Variants in SLC24A2 observed in about 807,000 individuals in gnomAD.
The protein encoded by SLC24A2 is solute carrier family 24 member 2, also known as sodium/potassium/calcium exchanger 2.
A neutral mutation model predicts 62.0 loss-of-function variants in SLC24A2; 36 were observed. That is an observed-to-expected ratio of 0.58 (90% CI 0.44 to 0.77). The LOEUF is 0.77. SLC24A2 is among the 30% of genes least tolerant of loss of function. The pLI is 0.00. For missense variants in SLC24A2, 846 were observed against 817.9 expected, an observed-to-expected ratio of 1.03 and a Z score of -0.42; for synonymous variants, 358 against 294.0, an observed-to-expected ratio of 1.22 and a Z score of -2.23.
At chr9:19,904,170 T>C in the SLC24A2 span, among the ~76,000 whole-genome samples, 5 of 152,164 alleles carry the variant, frequency 3.3e-5, no homozygotes, top group East Asian at 5.8e-4. Flanking sequence ...TTGTTAGATA[T>C]GAAGAATCTT....
At chr9:19,621,556 C>T (rs1389548294) in intron 3 of SLC24A2, among the ~76,000 whole-genome samples, 5 of 152,034 alleles carry the variant, frequency 3.3e-5, no homozygotes, top group African/African-American at 9.7e-5. Context: ...CTTAGGAGAC[C>T]TGAATAAAAT....
the SLC24A2 span, among the ~76,000 whole-genome samples, chr9:19,842,634 G>A: frequency 1.3e-5 from 2 of 152,148 alleles, no homozygotes; most frequent in African/African-American, 4.8e-5. Flanking sequence ...AGTCTCCAAG[G>A]GGGGGATGTT....
the SLC24A2 span, among the ~76,000 whole-genome samples, chr9:19,836,446 A>T: frequency 6.6e-6 from 1 of 152,316 alleles, no homozygotes; most frequent in South Asian, 2.1e-4. Flanking sequence ...AATACTACAA[A>T]CACCTCTACG....
chr9:20,023,001 G>A, the SLC24A2 span, among the ~76,000 whole-genome samples: 8 of 152,134 alleles, frequency 5.3e-5, no homozygotes, highest in African/African-American at 1.9e-4. Context: ...ATATGGAAAA[G>A]GAATTAAATT....
chr9:19,789,270 A>C (rs990601992), upstream of SLC24A2, among the ~76,000 whole-genome samples: 1 of 152,350 alleles, frequency 6.6e-6, no homozygotes. Flanking sequence ...GAGAGGAGAA[A>C]TCGTACAGGT....
rs1226200381 is a variant in SLC24A2 at position 19,788,920 on chromosome 9, C to G, written c.-189G>C. ...TGGGAGGACGCGCACACGGCGGGGCCCCCGAGCGCGGCCCGCCGCTCCAGT... is the reference window on the plus strand; with the variant it reads ...TGGGAGGACGCGCACACGGCGGGGCGCCCGAGCGCGGCCCGCCGCTCCAGT... On this transcript the variant is annotated 5_prime_UTR_variant, in exon 1 of 11. Transcript: ENST00000341998. 1 of 985,032 alleles carries G rather than the reference C, an allele frequency of 1.0e-6. No individual in the cohort carries two copies. Among genetic ancestry groups the G allele is most frequent in the Non-Finnish European group, 1.2e-6 (1 of 829,696 alleles). The allele number at this position is 985,032 out of a possible 1,614,324, so 61.0% of individuals were successfully genotyped here.
In SLC24A2 at chr9:19,639,477, C is replaced by T. The variant is rs1051112812; in HGVS notation, c.931-17178G>A. Reference sequence around the variant, plus strand: ...TACCTCTGCCCAGCTGCCATTTGAACAAGCCTGGGGTGCCCGGCCAGCTGC... The same window carrying T: ...TACCTCTGCCCAGCTGCCATTTGAATAAGCCTGGGGTGCCCGGCCAGCTGC... On this transcript the variant is annotated intron_variant, in intron 2 of 10. Transcript: ENST00000341998. Among the ~76,000 whole-genome samples, 54 of 152,220 alleles carry T rather than the reference C, an allele frequency of 3.5e-4. 4 individuals carry two copies. Among genetic ancestry groups the T allele is most frequent in the African/African-American group, 7.2e-5 (3 of 41,460 alleles).
the SLC24A2 span, among the ~76,000 whole-genome samples, chr9:20,270,454 T>A: frequency 6.6e-6 from 1 of 152,194 alleles, no homozygotes; most frequent in African/African-American, 2.4e-5. Flanking sequence ...AGCCTCTCCA[T>A]CCTTCTTCCT....
chr9:20,281,677 G>C, the SLC24A2 span, among the ~76,000 whole-genome samples: 1 of 152,138 alleles, frequency 6.6e-6, no homozygotes, highest in Non-Finnish European at 1.5e-5. Flanking sequence ...TTGTTGTATA[G>C]TATTTGATTT....
chr9:19,832,071 TG>T, the SLC24A2 span, among the ~76,000 whole-genome samples: 1 of 152,234 alleles, frequency 6.6e-6, no homozygotes, highest in Non-Finnish European at 1.5e-5. Context: ...TTTGCCTGTC[TG>T]TACTCTCTCA....
the SLC24A2 span, among the ~76,000 whole-genome samples, chr9:20,296,188 G>A: frequency 2.0e-5 from 3 of 152,326 alleles, no homozygotes; most frequent in East Asian, 1.9e-4. Flanking sequence ...ATATACTTAC[G>A]AAATGTATAG....
chr9:19,588,923 T>G (rs1239239136), intron 5 of SLC24A2, among the ~76,000 whole-genome samples: 6 of 152,228 alleles, frequency 3.9e-5, no homozygotes, highest in Non-Finnish European at 5.9e-5. Context: ...ATTGCGCTAC[T>G]GCACTCCAGC....
the SLC24A2 span, among the ~76,000 whole-genome samples, chr9:20,189,595 AT>A: frequency 3.3e-5 from 5 of 152,214 alleles, no homozygotes; most frequent in African/African-American, 1.2e-4. Flanking sequence ...CATTTGAGCT[AT>A]CCCCTTTGAA....
chr9:19,712,647 C>T (rs968441655), intron 2 of SLC24A2, among the ~76,000 whole-genome samples: 2 of 152,118 alleles, frequency 1.3e-5, no homozygotes, highest in South Asian at 4.1e-4. Flanking sequence ...TGTGCTCCAG[C>T]GACACACACC....
At chr9:20,201,275 T>A in the SLC24A2 span, among the ~76,000 whole-genome samples, 1 of 152,232 alleles carries the variant, frequency 6.6e-6, no homozygotes, top group Non-Finnish European at 1.5e-5. Flanking sequence ...TCAGCCTCAC[T>A]GAATACAGAG....
chr9:19,808,812 G>A, the SLC24A2 span, among the ~76,000 whole-genome samples: 1 of 152,096 alleles, frequency 6.6e-6, no homozygotes, highest in Non-Finnish European at 1.5e-5. This position sits in a 1 kb window ranked among gnomAD's most constrained non-coding sequence, Gnocchi z 4.1. Context: ...TCTACATTCT[G>A]TTTGCTTATT....
the SLC24A2 span, among the ~76,000 whole-genome samples, chr9:20,125,912 A>T: frequency 6.6e-6 from 1 of 152,102 alleles, no homozygotes; most frequent in East Asian, 1.9e-4. Flanking sequence ...AGCATACAGA[A>T]TTGCTCTCCA....
At chr9:19,953,751 T>G in the SLC24A2 span, among the ~76,000 whole-genome samples, 13 of 152,242 alleles carry the variant, frequency 8.5e-5, no homozygotes, top group Admixed American at 3.3e-4. Flanking sequence ...TGTTAGGCAC[T>G]GAACAACTTT....
At chr9:19,666,268 T>A (rs1564026059) in intron 2 of SLC24A2, among the ~76,000 whole-genome samples, 1 of 152,034 alleles carries the variant, frequency 6.6e-6, no homozygotes, top group Non-Finnish European at 1.5e-5. Flanking sequence ...TAGCCAGGCA[T>A]GGTGGCATGC....
Sources: gnomAD v4.1 joint callset for allele counts (sites outside exome capture counted in the v4.1 genomes callset) on GRCh38, gnomAD v4.1.1 for gene constraint, Gnocchi (gnomAD v3.1) non-coding constraint, MANE v1.5 for transcripts, NCBI Gene and HGNC (gene_info 2026-07-23, HGNC 2026-07-21) for gene names.